LNX1: variants seen among roughly 807,000 people sequenced by gnomAD.
LNX1 encodes the protein E3 ubiquitin-protein ligase LNX.
A neutral mutation model predicts 68.4 loss-of-function variants in LNX1; 54 were observed. That is an observed-to-expected ratio of 0.79 (90% CI 0.63 to 0.99). The LOEUF (loss-of-function observed/expected upper bound fraction) is 0.99. Among genes scored for constraint, LNX1 ranks in the 50% least tolerant of loss-of-function variants. The pLI is 0.00. For synonymous variants in LNX1, 336 were observed against 350.0 expected (o/e 0.96, Z 0.45); for missense variants, 906 against 926.4 (o/e 0.98, Z 0.29).
intron 2 of LNX1, among the ~76,000 whole-genome samples, chr4:53,540,911 C>T (rs767332688): frequency 4.6e-5 from 7 of 151,684 alleles, no homozygotes; most frequent in Admixed American, 4.6e-4. Context: ...CTGAGACGGG[C>T]GGATCACTTG....
At chr4:53,560,499 A>T (rs1202141962) in intron 2 of LNX1, among the ~76,000 whole-genome samples, 1 of 152,160 alleles carries the variant, frequency 6.6e-6, no homozygotes, top group Non-Finnish European at 1.5e-5. Context: ...CTACATGTAG[A>T]CCCTCTCACA....
At chr4:53,572,675 A>G (rs1013289283) in intron 2 of LNX1, among the ~76,000 whole-genome samples, 4 of 152,204 alleles carry the variant, frequency 2.6e-5, no homozygotes, top group African/African-American at 9.6e-5. Context: ...AAATGTTCTC[A>G]ATGTCCAAGA....
intron 2 of LNX1, among the ~76,000 whole-genome samples, chr4:53,518,399 T>C (rs138763548): frequency 6.6e-6 from 1 of 152,300 alleles, no homozygotes; most frequent in East Asian, 1.9e-4. Context: ...TGTTAATGAC[T>C]CTCCTTTAAT....
chr4:53,459,849 T>TAAGG lies in LNX1; in HGVS notation c.*1054_*1057dup, dbSNP rs933394203. Reference sequence around the variant, plus strand: ...CACAAAAGGCAACAAAGGGCCCCTCTAAGGCTTGAGATTAAAACTAGTCTT... The same window carrying TAAGG: ...CACAAAAGGCAACAAAGGGCCCCTCTAAGGAAGGCTTGAGATTAAAACTAGTCTT... On this transcript the variant is annotated 3_prime_UTR_variant, in exon 11 of 11. Coordinates refer to ENST00000263925, the MANE Select transcript of LNX1 (RefSeq NM_001126328.3). 2.8e-5 allele frequency: 7 copies of TAAGG among 250,244 alleles called. No homozygotes were observed. The highest frequency in any genetic ancestry group is 1.3e-4 in the African/African-American group (6 of 45,142). 15.5% of individuals were successfully genotyped at this position (250,244 alleles called of 1,614,324 possible).
At chr4:53,614,056 T>G (rs1479845012) in intron 2 of LNX1, among the ~76,000 whole-genome samples, 1 of 152,244 alleles carries the variant, frequency 6.6e-6, no homozygotes, top group Non-Finnish European at 1.5e-5. Flanking sequence ...TTTGCATTTC[T>G]CTAATGATCA....
intron 2 of LNX1, among the ~76,000 whole-genome samples, chr4:53,528,588 G>A (rs1283748379): frequency 2.0e-5 from 3 of 152,194 alleles, no homozygotes; most frequent in Non-Finnish European, 2.9e-5. Flanking sequence ...TCACAGTTAC[G>A]TACATGTAGG....
At chr4:53,490,415 T>A (rs1724602883) in intron 6 of LNX1, among the ~76,000 whole-genome samples, 1 of 152,090 alleles carries the variant, frequency 6.6e-6, no homozygotes, top group Non-Finnish European at 1.5e-5. Context: ...TGGAGAAAAA[T>A]AAAATTGTAC....
chr4:53,525,819 G>A (rs1423434719), intron 2 of LNX1, among the ~76,000 whole-genome samples: 1 of 152,196 alleles, frequency 6.6e-6, no homozygotes, highest in Non-Finnish European at 1.5e-5. Flanking sequence ...GCCAGGAAAG[G>A]GCTGTGTTGG....
intron 9 of LNX1, among the ~76,000 whole-genome samples, chr4:53,464,157 A>AAAAT (rs1397676899): frequency 1.3e-5 from 2 of 152,146 alleles, no homozygotes; most frequent in African/African-American, 4.8e-5. Flanking sequence ...GTCCTTTCAC[A>AAAAT]AAATGTTGCT....
intron 7 of LNX1, 80 bp downstream of exon 7, chr4:53,481,640 C>A: frequency 6.7e-7 from 1 of 1,482,972 alleles, no homozygotes; most frequent in South Asian, 1.3e-5. Context: ...CCAGAGATGA[C>A]ACTTAGACAT....
intron 2 of LNX1, among the ~76,000 whole-genome samples, chr4:53,551,826 C>G (rs538037638): frequency 6.6e-6 from 1 of 152,292 alleles, no homozygotes; most frequent in East Asian, 1.9e-4. Context: ...CTCACCCTGC[C>G]TTATGACCCT....
intron 1 of LNX1, among the ~76,000 whole-genome samples, chr4:53,633,778 A>G (rs1734364221): frequency 6.6e-6 from 1 of 152,164 alleles, no homozygotes; most frequent in South Asian, 2.1e-4. Context: ...GCTGATTGCC[A>G]CAGTCAGGCA....
chr4:53,649,880 C>A (rs1735027713), intron 1 of LNX1, among the ~76,000 whole-genome samples: 1 of 152,152 alleles, frequency 6.6e-6, no homozygotes, highest in African/African-American at 2.4e-5. Flanking sequence ...TCTCTATGTT[C>A]CACCCTAGCC....
At chr4:53,532,171 T>C (rs1203971501) in intron 2 of LNX1, among the ~76,000 whole-genome samples, 1 of 152,174 alleles carries the variant, frequency 6.6e-6, no homozygotes, top group Non-Finnish European at 1.5e-5. Flanking sequence ...ATATTGAGTG[T>C]TCCCTTCAAG....
intron 6 of LNX1, among the ~76,000 whole-genome samples, chr4:53,492,789 T>C (rs746953736): frequency 2.6e-4 from 39 of 152,042 alleles, no homozygotes; most frequent in Non-Finnish European, 4.0e-4. Flanking sequence ...GAGAGCACGT[T>C]GGGCAAGGGG....
At position 53,569,931 on chromosome 4, in the gene LNX1, C is replaced by G. The variant is rs559618587; in HGVS notation, c.380+3692G>C. 2.0e-3 allele frequency among the ~76,000 whole-genome samples: 311 copies of G among 151,790 alleles called. 2 individuals carry two copies. Among genetic ancestry groups the G allele is most frequent in the African/African-American group, 7.3e-3 (304 of 41,362 alleles). On this transcript the variant is annotated intron_variant, in intron 2 of 10. Transcript: ENST00000263925. The stretch of plus-strand genomic sequence containing the variant: ...TGAAAAAATGCTCACCATCACTGGC[C>G]ATCAGAGAAATGCAAATCAAAACCA...
intron 10 of LNX1, 145 bp from the exon 11 acceptor site, chr4:53,461,187 ATT>A (rs1045794270): frequency 1.3e-6 from 1 of 756,982 alleles, no homozygotes; most frequent in Non-Finnish European, 2.1e-6. Context: ...CTTGCCTCTT[ATT>A]TACATTCTCC....
intron 9 of LNX1, among the ~76,000 whole-genome samples, chr4:53,467,008 C>G (rs28859306): frequency 0.018 from 2,752 of 152,288 alleles, 85 homozygotes; most frequent in African/African-American, 0.063. Context: ...GTTCTCCCAG[C>G]AAGCAGCTTG....
rs558535558 is a variant in LNX1, at chr4:53,622,622, C to G, written c.-215+29546G>C. 2.6e-5 allele frequency among the ~76,000 whole-genome samples: 4 copies of G among 152,220 alleles called. No individual in the cohort carries two copies. The South Asian group carries it at 8.3e-4, about 32-fold the overall frequency. ...TAAAAAACGCCAAATCCTCTTATTA[C>G]AACAGGATACAGTAAATATAACAAA... On this transcript the variant is annotated intron_variant, in intron 1 of 2. Coordinates refer to the LNX1 transcript ENST00000507168.
Sources: gnomAD v4.1 joint callset for allele counts (sites outside exome capture counted in the v4.1 genomes callset) on GRCh38, gnomAD v4.1.1 for gene constraint, MANE v1.5 for transcripts, NCBI Gene and HGNC (gene_info 2026-07-23, HGNC 2026-07-21) for gene names.